Variants in MGAT5B observed in about 807,000 individuals in gnomAD.
The protein encoded by MGAT5B is N-acetylglucosaminyl-transferase Vb.
In MGAT5B, 54 loss-of-function variants were observed where a neutral mutation model predicts 95.1. The ratio of observed to expected loss-of-function variants is 0.57; its 90% CI spans 0.46 to 0.71. The LOEUF is 0.71. Ranked by LOEUF, MGAT5B falls within the 30% of genes least tolerant of loss-of-function variation. The pLI is 0.00. For missense variants in MGAT5B, 935 were observed against 1,088.6 expected (o/e 0.86, Z 1.99); for synonymous variants, 464 against 451.0 (o/e 1.03, Z -0.36).
Position 76,947,179 on chromosome 17 carries a change from G to A in MGAT5B, c.1924-651G>A, listed in dbSNP as rs144988708. Among the ~76,000 whole-genome samples, 735 of 152,300 alleles carry A rather than the reference G, an allele frequency of 4.8e-3. 8 individuals are homozygous for A. Among genetic ancestry groups the A allele is most frequent in the African/African-American group, 0.017 (721 of 41,566 alleles). ...GCTCAGGGCCCTGGGGCAGGTGGCC[G>A]TATGGCTGTAAGAAATTTCCACAGA... is the stretch of plus-strand genomic sequence containing the variant. On this transcript the variant is annotated intron_variant, in intron 16 of 17. Transcript: ENST00000569840.
intron 15 of MGAT5B, among the ~76,000 whole-genome samples, chr17:76,942,751 G>A (rs61624180): frequency 0.21 from 32,538 of 151,968 alleles, 3,791 homozygotes; most frequent in Middle Eastern, 0.29. Context: ...CCCCCTGCAC[G>A]GGGAAGCTGG....
At chr17:76,883,128 G>T (rs1019427719) in intron 3 of MGAT5B, among the ~76,000 whole-genome samples, 3 of 152,016 alleles carry the variant, frequency 2.0e-5, no homozygotes, top group Non-Finnish European at 4.4e-5. Context: ...CTCCTGAGTA[G>T]CTGGGATTAT....
intron 10 of MGAT5B, among the ~76,000 whole-genome samples, chr17:76,929,792 C>T (rs1295491750): frequency 2.0e-5 from 3 of 152,340 alleles, no homozygotes; most frequent in East Asian, 1.9e-4. Flanking sequence ...GCCTTACCCT[C>T]GCTCTGCCCC....
At chr17:76,874,562 C>T (rs1967118862) in intron 2 of MGAT5B, among the ~76,000 whole-genome samples, 1 of 151,908 alleles carries the variant, frequency 6.6e-6, no homozygotes, top group African/African-American at 2.4e-5. Context: ...TCTGGGTGGG[C>T]TGCTACAGAG....
At chr17:76,929,057 G>A (rs1969404257) in intron 10 of MGAT5B, among the ~76,000 whole-genome samples, 1 of 152,058 alleles carries the variant, frequency 6.6e-6, no homozygotes, top group African/African-American at 2.4e-5. Flanking sequence ...GTAGAGAGAG[G>A]GTTTTACCTT....
rs557322160 is a variant in MGAT5B, at chr17:76,915,674, C to T, written c.1026-9292C>T. ...AGATTAGGAAAAGGTGGGGAAGAACCGCATCTTGGCACCTAGACTTGTGAA... is the reference window on the plus strand; with the variant it reads ...AGATTAGGAAAAGGTGGGGAAGAACTGCATCTTGGCACCTAGACTTGTGAA... On this transcript the variant is annotated intron_variant, in intron 8 of 17. Transcript: ENST00000569840. The surrounding 1 kb of genome is among the most constrained non-coding windows in gnomAD (Gnocchi z 8.7). Among the ~76,000 whole-genome samples the T allele has an allele frequency of 2.3e-4, 35 of 152,254 alleles. No homozygotes were observed. The highest frequency in any genetic ancestry group is 1.0e-3 in the South Asian group (5 of 4,808).
intron 12 of MGAT5B, among the ~76,000 whole-genome samples, chr17:76,937,528 T>C (rs193280813): frequency 2.6e-5 from 4 of 151,298 alleles, no homozygotes; most frequent in Admixed American, 1.3e-4. Context: ...GATGGATGCA[T>C]GGATGGTGGG....
chr17:76,913,020 C>T (rs1476857025), intron 8 of MGAT5B, among the ~76,000 whole-genome samples: 1 of 152,216 alleles, frequency 6.6e-6, no homozygotes, highest in Non-Finnish European at 1.5e-5. Context: ...AGCTCTTTCT[C>T]CATCCATGAG....
chr17:76,942,808 C>T (rs907036350), intron 15 of MGAT5B, among the ~76,000 whole-genome samples: 3 of 152,348 alleles, frequency 2.0e-5, no homozygotes, highest in Admixed American at 6.5e-5. Flanking sequence ...ACCCCACAGT[C>T]TCCTCCAGCT....
chr17:76,941,126 C>T (rs529359433), intron 15 of MGAT5B, among the ~76,000 whole-genome samples: 1 of 152,330 alleles, frequency 6.6e-6, no homozygotes, highest in South Asian at 2.1e-4. Flanking sequence ...CCCTGGATCT[C>T]AAATTGTTTA....
At chr17:76,873,948 T>C (rs1967092791) in intron 2 of MGAT5B, among the ~76,000 whole-genome samples, 1 of 152,144 alleles carries the variant, frequency 6.6e-6, no homozygotes, top group Non-Finnish European at 1.5e-5. Context: ...ATTGTAGACA[T>C]CCCAAGTTAA....
chr17:76,887,191 C>T (rs766277153), intron 3 of MGAT5B, among the ~76,000 whole-genome samples: 3 of 152,158 alleles, frequency 2.0e-5, no homozygotes, highest in African/African-American at 7.2e-5. Flanking sequence ...CGTGGGGTCT[C>T]CTGGTTGCAC....
In MGAT5B at chr17:76,915,444, A is replaced by G. The variant is rs916332083; in HGVS notation, c.1025+9257A>G. ...ACAAGCCAGGTGGAGGCAGCGGGAGACGCGAGGAAGTGGACAAGACCGAAA... is the reference window on the plus strand; with the variant it reads ...ACAAGCCAGGTGGAGGCAGCGGGAGGCGCGAGGAAGTGGACAAGACCGAAA... On this transcript the variant is annotated intron_variant, in intron 8 of 17. Transcript: ENST00000569840. This position sits in a 1 kb window ranked among gnomAD's most constrained non-coding sequence, Gnocchi z 8.7. 7.9e-5 allele frequency among the ~76,000 whole-genome samples: 12 copies of G among 152,174 alleles called. No homozygotes were observed. The highest frequency in any genetic ancestry group is 1.2e-4 in the Non-Finnish European group (8 of 68,014).
At chr17:76,926,502 A>C in intron 9 of MGAT5B, 95 bp from the exon 10 acceptor site, 1 of 1,270,994 alleles carries the variant, frequency 7.9e-7, no homozygotes, top group Non-Finnish European at 1.1e-6. Context: ...TGACTCCACC[A>C]CTGGCTGGTG....
At chr17:76,913,813 G>A (rs1420863234) in intron 8 of MGAT5B, 1 of 457,588 alleles carries the variant, frequency 2.2e-6, no homozygotes, top group Non-Finnish European at 4.4e-6. Flanking sequence ...AATGTCCAAA[G>A]AATTTGGTCA....
intron 2 of MGAT5B, among the ~76,000 whole-genome samples, chr17:76,874,975 G>A (rs949298877): frequency 2.6e-5 from 4 of 152,132 alleles, no homozygotes; most frequent in Non-Finnish European, 4.4e-5. Context: ...GTGCGTGTAC[G>A]TGGTCTTAAA....
intron 3 of MGAT5B, among the ~76,000 whole-genome samples, chr17:76,901,064 C>A (rs2145182004): frequency 6.6e-6 from 1 of 152,304 alleles, no homozygotes; most frequent in Non-Finnish European, 1.5e-5. Context: ...GCTTTGCTCC[C>A]ACCTGTCACC....
chr17:76,882,515 A>G (rs1967466605), intron 3 of MGAT5B: 1 of 531,668 alleles, frequency 1.9e-6, no homozygotes, highest in Non-Finnish European at 3.1e-6. Flanking sequence ...AACGTCACAG[A>G]TGAAAACTAA....
rs540821744 is a variant in MGAT5B, at chr17:76,872,941, G to A, written c.159G>A (p.Ser53=). The stretch of plus-strand genomic sequence containing the variant: ...TCTCGGCCCGGCGCCTGGGGGACTC[G>A]CCATTCACCATCCGCACAGAAGGTA... The part of the protein sequence containing the change: ...GQFSARRLGD[S]PFTIRTEVMG... The change falls in exon 2 of 18, where the codon TCG becomes TCA. Residue 53 remains serine, a synonymous_variant. Coordinates refer to ENST00000569840, the MANE Select transcript of MGAT5B (RefSeq NM_001199172.2). 4.3e-5 allele frequency: 69 copies of A among 1,614,008 alleles called. No homozygotes were observed. The highest frequency in any genetic ancestry group is 2.0e-4 in the East Asian group (9 of 44,890).
Sources: allele counts gnomAD v4.1 joint callset (sites outside exome capture counted in the v4.1 genomes callset), GRCh38; gene constraint gnomAD v4.1.1; non-coding constraint Gnocchi (gnomAD v3.1); transcripts MANE v1.5; gene names NCBI Gene and HGNC (gene_info 2026-07-23, HGNC 2026-07-21).